LRMDA: variants seen among roughly 807,000 people sequenced by gnomAD.
LRMDA encodes the protein leucine rich melanocyte differentiation associated.
Under a neutral mutation model 29.8 loss-of-function variants are expected in LRMDA, and 18 were observed. The ratio of observed to expected loss-of-function variants is 0.60; its 90% CI spans 0.42 to 0.90. The LOEUF (loss-of-function observed/expected upper bound fraction) is 0.90, where lower values mean the gene tolerates loss of function less well. Ranked by LOEUF, LRMDA falls within the 40% of genes least tolerant of loss-of-function variation. LRMDA has a pLI of 0.00. For synonymous variants in LRMDA, 125 were observed against 109.4 expected (o/e 1.14, Z -0.89); for missense variants, 273 against 273.9 (o/e 1.00, Z 0.02).
intron 2 of LRMDA, among the ~76,000 whole-genome samples, chr10:75,508,202 T>G (rs560212776): frequency 7.2e-5 from 11 of 152,334 alleles, no homozygotes; most frequent in African/African-American, 2.6e-4. Flanking sequence ...TTCAGGGAGC[T>G]GGCTTGGCCC....
chr10:75,912,904 G>A (rs1385345804), intron 2 of LRMDA, among the ~76,000 whole-genome samples: 1 of 152,176 alleles, frequency 6.6e-6, no homozygotes, highest in Non-Finnish European at 1.5e-5. Context: ...AGCAGCCAGG[G>A]AGGGATCAAG....
At chr10:76,277,816 G>T (rs958624214) in intron 5 of LRMDA, among the ~76,000 whole-genome samples, 2 of 152,196 alleles carry the variant, frequency 1.3e-5, no homozygotes, top group Admixed American at 1.3e-4. Context: ...GAGGAGAATA[G>T]TTCAACTGAG....
intron 2 of LRMDA, among the ~76,000 whole-genome samples, chr10:75,543,194 G>A (rs570108613): frequency 2.3e-4 from 35 of 152,280 alleles, no homozygotes; most frequent in South Asian, 2.1e-4. Flanking sequence ...TTGCTTTCCC[G>A]CAGTAATGAC....
chr10:75,576,786 G>T (rs1281239234), intron 2 of LRMDA, among the ~76,000 whole-genome samples: 1 of 152,206 alleles, frequency 6.6e-6, no homozygotes, highest in Non-Finnish European at 1.5e-5. Flanking sequence ...CAGCACACTT[G>T]CAGCAGAGGG....
At chr10:76,371,045 A>C (rs1841448262) in intron 6 of LRMDA, among the ~76,000 whole-genome samples, 1 of 152,224 alleles carries the variant, frequency 6.6e-6, no homozygotes, top group South Asian at 2.1e-4. Context: ...AATAGGAATC[A>C]ACTGGTCGCA....
chr10:76,255,013 A>C (rs995172365), intron 5 of LRMDA, among the ~76,000 whole-genome samples: 1 of 152,058 alleles, frequency 6.6e-6, no homozygotes, highest in Non-Finnish European at 1.5e-5. Flanking sequence ...GACTTTCCCT[A>C]TTTTCACTCA....
chr10:76,114,695 C>T (rs1235744569), intron 5 of LRMDA, among the ~76,000 whole-genome samples: 1 of 152,190 alleles, frequency 6.6e-6, no homozygotes. Context: ...GTGCCTCCTC[C>T]CCTGCCAGAT....
intron 2 of LRMDA, among the ~76,000 whole-genome samples, chr10:75,531,243 T>C (rs1474576504): frequency 6.6e-6 from 1 of 151,406 alleles, no homozygotes; most frequent in Non-Finnish European, 1.5e-5. Context: ...TGAAGAGAGG[T>C]GGCAGAGGGG....
At chr10:75,881,743 C>T (rs952478299) in intron 2 of LRMDA, among the ~76,000 whole-genome samples, 2 of 152,214 alleles carry the variant, frequency 1.3e-5, no homozygotes, top group Non-Finnish European at 2.9e-5. Flanking sequence ...TAACCAGGGC[C>T]CTTGAGCCTC....
At chr10:76,007,420 G>C (rs1161858139) in intron 2 of LRMDA, among the ~76,000 whole-genome samples, 3 of 152,110 alleles carry the variant, frequency 2.0e-5, no homozygotes, top group Non-Finnish European at 4.4e-5. Flanking sequence ...ATGGAGCAGG[G>C]CTACAGGGTC....
intron 5 of LRMDA, among the ~76,000 whole-genome samples, chr10:76,224,690 T>TA (rs1554856518): frequency 2.3e-4 from 33 of 144,290 alleles, no homozygotes; most frequent in Non-Finnish European, 2.2e-4. Context: ...TTTTTTTTTT[T>TA]ACCGGACAAA....
intron 5 of LRMDA, 99 bp downstream of exon 5, chr10:76,058,882 A>G: frequency 1.1e-6 from 1 of 928,410 alleles, no homozygotes; most frequent in Non-Finnish European, 1.7e-6. Context: ...TTTAGAATGC[A>G]GTTGGAATCT....
intron 6 of LRMDA, among the ~76,000 whole-genome samples, chr10:76,544,253 C>A (rs949715513): frequency 6.6e-6 from 1 of 152,088 alleles, no homozygotes; most frequent in African/African-American, 2.4e-5. Context: ...CTATTAGGTG[C>A]GAGGCTCACA....
chr10:76,252,399 GA>G (rs1564700904), intron 5 of LRMDA, among the ~76,000 whole-genome samples: 1 of 151,924 alleles, frequency 6.6e-6, no homozygotes. Context: ...TATTGTCAAG[GA>G]AAAAAAAGCT....
chr10:76,195,267 G>A (rs1015117461), intron 5 of LRMDA, among the ~76,000 whole-genome samples: 3 of 152,170 alleles, frequency 2.0e-5, no homozygotes, highest in African/African-American at 7.2e-5. Flanking sequence ...GCAGAATGGG[G>A]TCTGTTGGGA....
At chr10:76,255,969 G>T (rs773038798) in intron 5 of LRMDA, among the ~76,000 whole-genome samples, 2 of 152,168 alleles carry the variant, frequency 1.3e-5, no homozygotes, top group Non-Finnish European at 2.9e-5. Flanking sequence ...ATAGATCAAT[G>T]GCATCATGTG....
chr10:76,360,835 T>C (rs1488964770), intron 6 of LRMDA, among the ~76,000 whole-genome samples: 1 of 152,234 alleles, frequency 6.6e-6, no homozygotes, highest in African/African-American at 2.4e-5. Flanking sequence ...TTCTGGGTAC[T>C]CTTTTAAAAT....
chr10:75,506,390 C>T (rs1336011180), intron 2 of LRMDA, among the ~76,000 whole-genome samples: 1 of 152,194 alleles, frequency 6.6e-6, no homozygotes. Flanking sequence ...ATTTCCAAAC[C>T]AACTAACAGT....
chr10:76,506,671 A>G (rs1279944210), intron 6 of LRMDA, among the ~76,000 whole-genome samples: 1 of 151,888 alleles, frequency 6.6e-6, no homozygotes, highest in Non-Finnish European at 1.5e-5. Context: ...TCTACTTTTT[A>G]GCTCCATGGC....
Sources: gnomAD v4.1 joint callset for allele counts (sites outside exome capture counted in the v4.1 genomes callset) on GRCh38, gnomAD v4.1.1 for gene constraint, MANE v1.5 for transcripts, NCBI Gene and HGNC (gene_info 2026-07-23, HGNC 2026-07-21) for gene names.